CWC27: variants seen among roughly 807,000 people sequenced by gnomAD.
CWC27 encodes the protein CWC27 spliceosome associated cyclophilin, also known as spliceosome-associated protein CWC27 homolog.
A neutral mutation model predicts 63.6 loss-of-function variants in CWC27; 47 were observed. The observed-to-expected ratio is 0.74, with a 90% CI of 0.58 to 0.94. The LOEUF (loss-of-function observed/expected upper bound fraction) is 0.94. CWC27 is among the 40% of genes least tolerant of loss of function. The probability of loss-of-function intolerance (pLI) is 0.00; values close to 1 mark genes in which losing one functional copy is unlikely to be tolerated. For missense variants in CWC27, 495 were observed against 554.3 expected, an observed-to-expected ratio of 0.89 and a Z score of 1.07; for synonymous variants, 175 against 179.8, an observed-to-expected ratio of 0.97 and a Z score of 0.22.
intron 13 of CWC27, among the ~76,000 whole-genome samples, chr5:64,984,120 A>AC (rs1388431606): frequency 6.6e-6 from 1 of 152,192 alleles, no homozygotes; most frequent in Non-Finnish European, 1.5e-5. Context: ...GGCATGAGCT[A>AC]CCACACCTGG....
chr5:64,969,853 T>C (rs1749086009), intron 11 of CWC27, among the ~76,000 whole-genome samples: 1 of 152,124 alleles, frequency 6.6e-6, no homozygotes. Flanking sequence ...CCAACCAAGC[T>C]GAGACCTAAA....
chr5:64,924,927 A>T (rs1748075925), intron 11 of CWC27, among the ~76,000 whole-genome samples: 1 of 151,346 alleles, frequency 6.6e-6, no homozygotes, highest in African/African-American at 2.4e-5. Context: ...AGTTATTTTG[A>T]TGTACTCTTT....
intron 13 of CWC27, among the ~76,000 whole-genome samples, chr5:64,999,747 A>G (rs1749698533): frequency 6.6e-6 from 1 of 152,056 alleles, no homozygotes; most frequent in South Asian, 2.1e-4. Flanking sequence ...ACTGATGGAC[A>G]CTTAAGTTGA....
intron 7 of CWC27, among the ~76,000 whole-genome samples, chr5:64,797,674 T>G (rs990122596): frequency 6.6e-6 from 1 of 152,204 alleles, no homozygotes; most frequent in Non-Finnish European, 1.5e-5. Flanking sequence ...ATTAGCTAAA[T>G]GGAGCTAATT....
intron 10 of CWC27, among the ~76,000 whole-genome samples, chr5:64,843,967 G>A (rs1347490623): frequency 1.3e-5 from 2 of 151,960 alleles, no homozygotes; most frequent in Non-Finnish European, 2.9e-5. Flanking sequence ...AGCTAGACTA[G>A]ACTAGAGCAT....
At chr5:65,010,052 A>G (rs1749918359) in intron 13 of CWC27, among the ~76,000 whole-genome samples, 1 of 152,214 alleles carries the variant, frequency 6.6e-6, no homozygotes, top group Non-Finnish European at 1.5e-5. Flanking sequence ...TAGTGACTGA[A>G]TGTAACTCAA....
chr5:64,844,264 C>T (rs1012998071), intron 10 of CWC27, among the ~76,000 whole-genome samples: 1 of 152,120 alleles, frequency 6.6e-6, no homozygotes, highest in Admixed American at 6.6e-5. Flanking sequence ...TGCCTGGAGT[C>T]GGGTAGAAAT....
intron 11 of CWC27, among the ~76,000 whole-genome samples, chr5:64,932,702 C>T (rs1243925755): frequency 6.6e-6 from 1 of 152,140 alleles, no homozygotes; most frequent in Admixed American, 6.6e-5. Flanking sequence ...TTCACCTCTT[C>T]CCCAATCTGC....
In CWC27 at chr5:64,769,112, C is replaced by T. The variant is rs1222355146; in HGVS notation, c.-35C>T. On this transcript the variant is annotated 5_prime_UTR_variant, in exon 1 of 14. Coordinates refer to ENST00000381070, the MANE Select transcript of CWC27 (RefSeq NM_005869.4). ...TAGTGGCCGGCCGGCCGCTCTCATC[C>T]CCCGTAAGGAGCAGAGTCCTTTGTA... 9 of 1,606,442 alleles carry T rather than the reference C, an allele frequency of 5.6e-6. No homozygotes were observed. Among genetic ancestry groups the T allele is most frequent in the East Asian group, 2.2e-5 (1 of 44,804 alleles).
In CWC27 at chr5:64,837,686, T is replaced by TA. The variant is rs1040633898; in HGVS notation, c.938+33309dup. On this transcript the variant is annotated intron_variant, in intron 10 of 13. Coordinates refer to ENST00000381070, the MANE Select transcript of CWC27 (RefSeq NM_005869.4). ...ACCACTGTATTTTCCATTTTGACATTAAAAAAAAAGCCAAACCTCACCTCA... is the reference window on the plus strand; with the variant it reads ...ACCACTGTATTTTCCATTTTGACATTAAAAAAAAAAGCCAAACCTCACCTCA... 1.8e-3 allele frequency among the ~76,000 whole-genome samples: 274 copies of TA among 150,362 alleles called. 8 individuals carry two copies. The highest frequency in any genetic ancestry group is 0.018 in the Admixed American group (272 of 15,028).
intron 9 of CWC27, among the ~76,000 whole-genome samples, chr5:64,802,007 T>C (rs925438716): frequency 3.9e-5 from 6 of 152,124 alleles, no homozygotes; most frequent in Admixed American, 6.6e-5. Context: ...CAGTAGTAGA[T>C]AGAGAGAGGA....
chr5:64,809,247 A>G lies in CWC27; in HGVS notation c.938+4861A>G, dbSNP rs189815652. 9.1e-3 allele frequency among the ~76,000 whole-genome samples: 1,390 copies of G among 152,372 alleles called. 9 individuals carry two copies. Among genetic ancestry groups the G allele is most frequent in the Non-Finnish European group, 0.015 (1,026 of 68,032 alleles). Reference sequence around the variant, plus strand: ...ATGGTAGAAAGATTCGATCAGGCTAATTAACGTATTTATCCACTTCAGCAA... The same window carrying G: ...ATGGTAGAAAGATTCGATCAGGCTAGTTAACGTATTTATCCACTTCAGCAA... On this transcript the variant is annotated intron_variant, in intron 10 of 13. Coordinates refer to ENST00000381070, the MANE Select transcript of CWC27 (RefSeq NM_005869.4).
At chr5:64,972,896 A>G (rs1344204159) in intron 12 of CWC27, among the ~76,000 whole-genome samples, 11 of 152,198 alleles carry the variant, frequency 7.2e-5, no homozygotes, top group Admixed American at 7.2e-4. Flanking sequence ...AAGTAATACC[A>G]GTGAAAGGGG....
intron 1 of CWC27, among the ~76,000 whole-genome samples, chr5:64,770,587 A>G (rs963163383): frequency 1.3e-5 from 2 of 152,028 alleles, no homozygotes; most frequent in Non-Finnish European, 2.9e-5. Flanking sequence ...AGTTTTTTTC[A>G]TGGTATTTAT....
At chr5:64,911,919 A>AG (rs1747793843) in intron 11 of CWC27, among the ~76,000 whole-genome samples, 1 of 151,936 alleles carries the variant, frequency 6.6e-6, no homozygotes, top group African/African-American at 2.4e-5. Context: ...CTAAAAATAC[A>AG]AAAAATTAGC....
At chr5:64,800,224 G>T (rs1205228046) in intron 7 of CWC27, 24 bp from the exon 8 acceptor site, 4 of 1,522,896 alleles carry the variant, frequency 2.6e-6, no homozygotes, top group Non-Finnish European at 1.8e-6. Flanking sequence ...CCCCCCTCAT[G>T]ATTATATTGT....
At chr5:64,978,364 G>A (rs959866316) in intron 13 of CWC27, among the ~76,000 whole-genome samples, 1 of 152,094 alleles carries the variant, frequency 6.6e-6, no homozygotes, top group Non-Finnish European at 1.5e-5. Context: ...TTCATATGAT[G>A]TGGGTTACGA....
intron 11 of CWC27, among the ~76,000 whole-genome samples, chr5:64,941,087 C>A (rs1266929215): frequency 1.3e-5 from 2 of 152,066 alleles, no homozygotes; most frequent in African/African-American, 4.8e-5. Flanking sequence ...CTCAAGTGAT[C>A]TGGCCCATGT....
At chr5:64,796,189 T>A (rs1744260044) in intron 7 of CWC27, among the ~76,000 whole-genome samples, 1 of 152,026 alleles carries the variant, frequency 6.6e-6, no homozygotes, top group African/African-American at 2.4e-5. Context: ...GTGCTGAAGG[T>A]CTCTTAGTGT....
Sources: gnomAD v4.1 joint callset for allele counts (sites outside exome capture counted in the v4.1 genomes callset) on GRCh38, gnomAD v4.1.1 for gene constraint, MANE v1.5 for transcripts, NCBI Gene and HGNC (gene_info 2026-07-23, HGNC 2026-07-21) for gene names.